The following CNTRL variants were observed in gnomAD, a reference collection of about 807,000 sequenced individuals.
The protein encoded by CNTRL is centriolin.
CNTRL carries 233 observed loss-of-function variants against 303.7 expected under a neutral mutation model. That is an observed-to-expected ratio of 0.77 (90% CI 0.69 to 0.86). The LOEUF is 0.86. Among genes scored for constraint, CNTRL ranks in the 40% least tolerant of loss-of-function variants. CNTRL has a pLI of 0.00. For synonymous variants in CNTRL, 900 were observed against 922.2 expected (o/e 0.98, Z 0.44); for missense variants, 2,524 against 2,650.6 (o/e 0.95, Z 1.05).
At chr9:121,158,351 G>T (rs2052685416) in intron 30 of CNTRL, among the ~76,000 whole-genome samples, 1 of 152,022 alleles carries the variant, frequency 6.6e-6, no homozygotes, top group Non-Finnish European at 1.5e-5. Context: ...ACTTATGGTT[G>T]TATTTTTAGT....
rs967855928 is a variant in CNTRL, at chr9:121,084,779, C to T, written c.-31-3517C>T. On this transcript the variant is annotated intron_variant, in intron 2 of 43. Transcript: ENST00000373855. Reference sequence around the variant, plus strand: ...CAGGATGGTCTCGATCTCCTGACCTCGTGATCTGCCCGCCTCAGCCTCTCA... The same window carrying T: ...CAGGATGGTCTCGATCTCCTGACCTTGTGATCTGCCCGCCTCAGCCTCTCA... Among the ~76,000 whole-genome samples the T allele has an allele frequency of 1.1e-4, 16 of 152,184 alleles. No individual in the cohort carries two copies. In the South Asian group the frequency reaches 1.5e-3, roughly 14 times the overall value.
intron 25 of CNTRL, 175 bp downstream of exon 25, chr9:121,150,658 G>A: frequency 1.5e-6 from 1 of 647,030 alleles, no homozygotes; most frequent in Non-Finnish European, 2.6e-6. Flanking sequence ...TATAAAAGCA[G>A]TGGCATGTGC....
At chr9:121,169,397 C>A (rs1336574156) in intron 38 of CNTRL, among the ~76,000 whole-genome samples, 16 of 152,190 alleles carry the variant, frequency 1.1e-4, no homozygotes, top group Non-Finnish European at 5.9e-5. Context: ...TGGGATCAGG[C>A]CCTCCAGGAA....
At chr9:121,113,764 G>A in intron 10 of CNTRL, 40 bp downstream of exon 10, 2 of 1,320,374 alleles carry the variant, frequency 1.5e-6, no homozygotes, top group Non-Finnish European at 2.0e-6. Flanking sequence ...AAAAAAATAT[G>A]AAAACATTGA....
rs763607582 is a variant in CNTRL at position 121,157,743 on chromosome 9, G to A, written c.4500G>A (p.Ser1500=). ...NLVKADQQLR[S]LQADAKDLEQ... ...GGAATAAAGCAATGTGCTTTAGATC[G>A]CTCCAGGCTGATGCAAAGGATTTGG... is the stretch of plus-strand genomic sequence containing the variant. The change falls in exon 29 of 44, where the codon TCG becomes TCA. Residue 1500 remains serine (S), a synonymous_variant. Coordinates refer to ENST00000373855, the MANE Select transcript of CNTRL (RefSeq NM_007018.6). 4.2e-5 allele frequency: 67 copies of A among 1,613,810 alleles called. No homozygotes were observed. The highest frequency in any genetic ancestry group is 5.1e-5 in the Non-Finnish European group (60 of 1,179,972).
Position 121,175,122 on chromosome 9 carries a change from A to G in CNTRL, c.6852A>G (p.Leu2284=). The G allele has an allele frequency of 6.2e-7, 1 of 1,614,102 alleles. No individual in the cohort carries two copies. The highest frequency in any genetic ancestry group is 8.5e-7 in the Non-Finnish European group (1 of 1,179,996). The change falls in exon 43 of 44, where the codon TTA becomes TTG. Residue 2284 remains leucine, a synonymous_variant. Coordinates refer to ENST00000373855, the MANE Select transcript of CNTRL (RefSeq NM_007018.6). ...GTTTGAGGAGACAAGTAGATGCTTT[A>G]GGGGAATTGGTCACCAGCACCTCTG... ...LHSLRRQVDA[L]GELVTSTSAD... is the part of the protein sequence containing the mutation.
intron 3 of CNTRL, among the ~76,000 whole-genome samples, chr9:121,088,957 C>A (rs2048452020): frequency 6.6e-6 from 1 of 152,224 alleles, no homozygotes; most frequent in South Asian, 2.1e-4. Context: ...GACTGATTTC[C>A]ACATATGGGA....
intron 25 of CNTRL, among the ~76,000 whole-genome samples, chr9:121,151,384 CTTCTTTTTT>C (rs1344203624): frequency 1.1e-4 from 10 of 91,520 alleles, no homozygotes; most frequent in East Asian, 9.0e-4. Flanking sequence ...CTTTTTTCTT[CTTCTTTTTT>C]TTTTTTTTTT....
chr9:121,117,839 C>T (rs571223359), intron 11 of CNTRL, among the ~76,000 whole-genome samples: 11 of 151,952 alleles, frequency 7.2e-5, no homozygotes, highest in East Asian at 5.8e-4. Context: ...ATTAGCTGGG[C>T]GTGGTAGTGG....
At position 121,141,492 on chromosome 9, in the gene CNTRL, G is replaced by A. The variant is rs752484507; in HGVS notation, c.2595G>A (p.Glu865=). The A allele has an allele frequency of 1.9e-6, 3 of 1,614,098 alleles. No homozygotes were observed. Among genetic ancestry groups the A allele is most frequent in the Non-Finnish European group, 2.5e-6 (3 of 1,180,008 alleles). The change falls in exon 18 of 44, where the codon GAG becomes GAA. Residue 865 remains glutamate, a synonymous_variant. Coordinates refer to ENST00000373855, the MANE Select transcript of CNTRL (RefSeq NM_007018.6). ...AAAGAGATGAAGCACAAGTTAGAGA[G>A]AGAAAACTCCAAGAAGAAATGGCTC... ...KWERDEAQVR[E]RKLQEEMALQ...
chr9:121,110,701 A>C (rs187648234), intron 8 of CNTRL, among the ~76,000 whole-genome samples: 196 of 150,710 alleles, frequency 1.3e-3, no homozygotes, highest in African/African-American at 4.4e-3. Context: ...CGTATGTATT[A>C]TTTTTTTTTA....
chr9:121,173,756 CAAA>C lies in CNTRL; in HGVS notation c.6747+23_6747+25del. On this transcript the variant is annotated intron_variant, in intron 42 of 43. Coordinates refer to ENST00000373855, the MANE Select transcript of CNTRL (RefSeq NM_007018.6). ...ACTCAAGGTTGCCCTTTAAAACAAA[CAAA>C]AAATCAGTATGAGATACTGGGCACA... 6.2e-7 allele frequency: 1 copy of C among 1,612,464 alleles called. No homozygotes were observed. The highest frequency in any genetic ancestry group is 1.1e-5 in the South Asian group (1 of 91,054).
intron 36 of CNTRL, 28 bp downstream of exon 36, chr9:121,166,208 T>C (rs2273988): frequency 0.69 from 1,051,617 of 1,531,984 alleles, 368,597 homozygotes; most frequent in South Asian, 0.89. Context: ...AATATTCTAG[T>C]AGTATACTGA....
rs1588104614 is a variant in CNTRL, at chr9:121,101,105, C to T, written c.808+2533C>T. ...AAATCAACAGAACATACATTCTTCT[C>T]AGCACCACATTGCACTTATTCCAAA... On this transcript the variant is annotated intron_variant, in intron 7 of 43. Coordinates refer to ENST00000373855, the MANE Select transcript of CNTRL (RefSeq NM_007018.6). Among the ~76,000 whole-genome samples, 12 of 152,366 alleles carry T rather than the reference C, an allele frequency of 7.9e-5. 1 individual carries two copies. In the South Asian group the frequency reaches 2.5e-3, roughly 32 times the overall value.
chr9:121,124,006 A>T lies in CNTRL; in HGVS notation c.1726A>T (p.Ser576Cys), dbSNP rs373638859. ...IMNKQYQQLE[S>C]RLDEILSRIA... ...GAACAAGCAGTACCAACAACTTGAA[A>T]GTCGTTTGGATGAGATACTTTCTAG... Residue 576 changes from serine (S) to cysteine (C), a missense_variant, in exon 13 of 44, where the codon AGT becomes TGT. Coordinates refer to ENST00000373855, the MANE Select transcript of CNTRL (RefSeq NM_007018.6). The T allele has an allele frequency of 5.1e-5, 83 of 1,613,344 alleles. No individual in the cohort carries two copies. The Middle Eastern group carries it at 1.8e-3, about 35-fold the overall frequency.
At position 121,141,862 on chromosome 9, in the gene CNTRL, T is replaced by C. The variant is rs2051534380; in HGVS notation, c.2692-229T>C. Among the ~76,000 whole-genome samples the C allele has an allele frequency of 5.3e-5, 8 of 152,262 alleles. No individual in the cohort carries two copies. In the South Asian group the frequency reaches 1.7e-3, roughly 32 times the overall value. ...TAAATAATGCCACATTCCTAGAGTA[T>C]GGTGTGTTGCCAGAATCTGGTATTT... On this transcript the variant is annotated intron_variant, in intron 18 of 43. Coordinates refer to ENST00000373855, the MANE Select transcript of CNTRL (RefSeq NM_007018.6).
intron 24 of CNTRL, 90 bp from the exon 25 acceptor site, chr9:121,150,080 T>G: frequency 9.9e-7 from 1 of 1,010,774 alleles, no homozygotes; most frequent in Non-Finnish European, 1.4e-6. Flanking sequence ...GCTTAAATGC[T>G]GCTGTTCTCT....
At chr9:121,115,390 T>C (rs545230850) in intron 11 of CNTRL, among the ~76,000 whole-genome samples, 190 bp downstream of exon 11, 1 of 152,338 alleles carries the variant, frequency 6.6e-6, no homozygotes, top group East Asian at 1.9e-4. Flanking sequence ...TGACATCCAA[T>C]TAGCATTTTA....
Position 121,145,993 on chromosome 9 carries a change from A to C in CNTRL, c.3311-115A>C, listed in dbSNP as rs952292939. The C allele has an allele frequency of 1.3e-5, 12 of 907,866 alleles. No homozygotes were observed. In the African/African-American group the frequency reaches 1.5e-4, roughly 12 times the overall value. 56.2% of individuals were successfully genotyped at this position (907,866 alleles called of 1,614,324 possible). A position where few individuals can be genotyped will look rare whatever the true frequency, so the allele number is the denominator to read the frequency against. On this transcript the variant is annotated intron_variant, in intron 22 of 43. Coordinates refer to ENST00000373855, the MANE Select transcript of CNTRL (RefSeq NM_007018.6). ...TTTGACTTACCAAAGGGCAGACTGA[A>C]AGTCAGCTTTGAGGAACTGATAAAA...
Sources: gnomAD v4.1 joint callset for allele counts (sites outside exome capture counted in the v4.1 genomes callset) on GRCh38, gnomAD v4.1.1 for gene constraint, MANE v1.5 for transcripts, NCBI Gene and HGNC (gene_info 2026-07-23, HGNC 2026-07-21) for gene names.